SLC5A7: variants seen among roughly 807,000 people sequenced by gnomAD.
SLC5A7 encodes the protein high affinity choline transporter 1.
A neutral mutation model predicts 55.4 loss-of-function variants in SLC5A7; 19 were observed. The observed-to-expected ratio is 0.34, with a 90% CI of 0.24 to 0.50. The LOEUF (loss-of-function observed/expected upper bound fraction) is 0.50. Ranked by LOEUF, SLC5A7 falls within the 20% of genes least tolerant of loss-of-function variation. The probability of loss-of-function intolerance (pLI) is 0.98; values close to 1 mark genes in which losing one functional copy is unlikely to be tolerated. For missense variants in SLC5A7, 506 were observed against 705.3 expected, an observed-to-expected ratio of 0.72 and a Z score of 3.20; for synonymous variants, 265 against 263.7, an observed-to-expected ratio of 1.00 and a Z score of -0.05.
intron 2 of SLC5A7, among the ~76,000 whole-genome samples, chr2:107,989,731 T>C (rs1270555253): frequency 6.6e-6 from 1 of 152,214 alleles, no homozygotes; most frequent in Non-Finnish European, 1.5e-5. Flanking sequence ...GGTGCACAGT[T>C]TGTAAACACT....
At position 108,012,281 on chromosome 2, in the gene SLC5A7, G is replaced by A. The variant is rs149753976; in HGVS notation, c.*1420G>A. The A allele has an allele frequency of 3.9e-5, 6 of 152,252 alleles. No homozygotes were observed. Among genetic ancestry groups the A allele is most frequent in the African/African-American group, 1.4e-4 (6 of 41,560 alleles). 9.4% of individuals were successfully genotyped at this position (152,252 alleles called of 1,614,324 possible). On this transcript the variant is annotated 3_prime_UTR_variant, in exon 9 of 9. Transcript: ENST00000264047. ...GGAGCCATGTCTACAAAAGCAAAGT[G>A]AAGTGATGAGCTGAAAAGTGATCAG...
intron 5 of SLC5A7, 31 bp from the exon 6 acceptor site, chr2:108,001,866 C>T (rs773500461): frequency 3.7e-6 from 6 of 1,612,342 alleles, no homozygotes; most frequent in Non-Finnish European, 5.1e-6. Flanking sequence ...AAAACCATCG[C>T]CTAGGGCTCC....
intron 5 of SLC5A7, among the ~76,000 whole-genome samples, chr2:107,999,753 T>C (rs1305502512): frequency 6.6e-6 from 1 of 152,162 alleles, no homozygotes; most frequent in Non-Finnish European, 1.5e-5. Flanking sequence ...TTGAGGTTTT[T>C]CTTTTCATTT....
intron 5 of SLC5A7, among the ~76,000 whole-genome samples, chr2:108,000,819 T>C (rs2104360813): frequency 6.6e-6 from 1 of 151,808 alleles, no homozygotes; most frequent in East Asian, 1.9e-4. Context: ...GGTCTAGAAC[T>C]CCCGAGCACA....
intron 6 of SLC5A7, among the ~76,000 whole-genome samples, chr2:108,005,232 T>C (rs1171839406): frequency 6.6e-6 from 1 of 152,206 alleles, no homozygotes; most frequent in Admixed American, 6.5e-5. Context: ...TTGACTCTCA[T>C]AGTAGAAAGT....
In SLC5A7 at chr2:108,006,187, A is replaced by G. The variant is rs1678115063; in HGVS notation, c.880A>G (p.Ile294Val). The part of the protein sequence containing the change: ...MAIPAILIGA[I>V]GASTDWNQTA... ...CATCCCAGCCATACTCATTGGGGCC[A>G]TTGGAGCATCAACAGGTAAATCTCT... The change falls in exon 7 of 9, where the codon ATT becomes GTT. Residue 294 changes from isoleucine (I) to valine (V), a missense_variant. This residue lies in a region of SLC5A7 where 309 missense variants were observed against 478.6 expected (regional missense o/e 0.65). Transcript: ENST00000264047. 1.9e-6 allele frequency: 3 copies of G among 1,613,952 alleles called. No individual in the cohort carries two copies. The highest frequency in any genetic ancestry group is 2.5e-6 in the Non-Finnish European group (3 of 1,179,956).
rs1276877648 is a variant in SLC5A7, at chr2:108,011,612, A to C, written c.*751A>C. ...ATTATTAAGCAACCTTAAAGCAATA[A>C]GTTCATTAAACAGAAGGTAATAGGA... On this transcript the variant is annotated 3_prime_UTR_variant, in exon 9 of 9. Coordinates refer to ENST00000264047, the MANE Select transcript of SLC5A7 (RefSeq NM_021815.5). The C allele has an allele frequency of 6.6e-6, 1 of 152,182 alleles. No individual in the cohort carries two copies. Among genetic ancestry groups the C allele is most frequent in the African/African-American group, 2.4e-5 (1 of 41,454 alleles). The allele number at this position is 152,182 out of a possible 1,614,324, so 9.4% of individuals were successfully genotyped here. A position where few individuals can be genotyped will look rare whatever the true frequency, so the allele number is the denominator to read the frequency against.
rs571977757 is a variant in SLC5A7 at position 107,999,297 on chromosome 2, C to T, written c.597+1311C>T. 7.2e-4 allele frequency among the ~76,000 whole-genome samples: 109 copies of T among 152,274 alleles called. No homozygotes were observed. In the South Asian group the frequency reaches 9.3e-3, roughly 13 times the overall value. ...AAATAGGGAACATAGAAATAAATCC[C>T]TCTTCAGAATGTCAGGAGCCAGGTT... is the stretch of plus-strand genomic sequence containing the variant. On this transcript the variant is annotated intron_variant, in intron 5 of 8. Transcript: ENST00000264047.
At chr2:108,009,398 T>C (rs1678231027) in intron 8 of SLC5A7, among the ~76,000 whole-genome samples, 1 of 152,166 alleles carries the variant, frequency 6.6e-6, no homozygotes, top group Admixed American at 6.5e-5. Flanking sequence ...GTTACATAAG[T>C]GTATGTGTGC....
intron 6 of SLC5A7, among the ~76,000 whole-genome samples, chr2:108,002,428 G>A (rs1266420398): frequency 1.3e-5 from 2 of 152,188 alleles, no homozygotes; most frequent in Non-Finnish European, 2.9e-5. Flanking sequence ...ATTCACTCTT[G>A]AATTACAGAG....
intron 5 of SLC5A7, 87 bp downstream of exon 5, chr2:107,998,073 A>G: frequency 7.5e-7 from 1 of 1,336,200 alleles, no homozygotes; most frequent in Non-Finnish European, 1.0e-6. Context: ...GAGTAGAAAT[A>G]TTATTTTCCC....
At chr2:107,997,653 A>G (rs1382547503) in intron 4 of SLC5A7, among the ~76,000 whole-genome samples, 185 bp from the exon 5 acceptor site, 1 of 152,246 alleles carries the variant, frequency 6.6e-6, no homozygotes, top group Non-Finnish European at 1.5e-5. Flanking sequence ...AAAAGTATGT[A>G]TCTCACTGAA....
chr2:108,008,558 T>C lies in SLC5A7; in HGVS notation c.989T>C (p.Val330Ala). Residue 330 changes from valine (V) to alanine (A), a missense_variant, in exon 8 of 9, where the codon GTG (valine) becomes GCG (alanine). This residue lies in a region of SLC5A7 where 309 missense variants were observed against 478.6 expected (regional missense o/e 0.65). Coordinates refer to ENST00000264047, the MANE Select transcript of SLC5A7 (RefSeq NM_021815.5). Reference sequence around the variant, plus strand: ...ATTGTTCTGCAGTATCTCTGCCCTGTGTATATTTCTTTCTTTGGTCTTGGT... The same window carrying C: ...ATTGTTCTGCAGTATCTCTGCCCTGCGTATATTTCTTTCTTTGGTCTTGGT... ...LPIVLQYLCP[V>A]YISFFGLGAV... 2 of 1,613,600 alleles carry C rather than the reference T, an allele frequency of 1.2e-6. No homozygotes were observed. The highest frequency in any genetic ancestry group is 8.5e-7 in the Non-Finnish European group (1 of 1,179,820).
At chr2:108,005,927 C>T in intron 6 of SLC5A7, 122 bp from the exon 7 acceptor site, 4 of 1,164,924 alleles carry the variant, frequency 3.4e-6, no homozygotes, top group Non-Finnish European at 4.8e-6. Flanking sequence ...TTTGTGGCTA[C>T]ATGCCACATT....
intron 5 of SLC5A7, among the ~76,000 whole-genome samples, chr2:108,001,634 C>T (rs1677905895): frequency 7.1e-6 from 1 of 141,212 alleles, no homozygotes; most frequent in African/African-American, 2.6e-5. Flanking sequence ...GATCCCGCCA[C>T]TGCACTCCAG....
chr2:107,999,997 TAAA>T (rs1459669458), intron 5 of SLC5A7, among the ~76,000 whole-genome samples: 1 of 152,206 alleles, frequency 6.6e-6, no homozygotes, highest in African/African-American at 2.4e-5. Flanking sequence ...TTTTAAGACT[TAAA>T]AGAATTTTTT....
chr2:108,001,018 C>G (rs140839667), intron 5 of SLC5A7, among the ~76,000 whole-genome samples: 4,210 of 148,436 alleles, frequency 0.028, 90 homozygotes, highest in African/African-American at 0.058. Context: ...ACCTCTGCCT[C>G]CAAGGTTCAA....
At position 107,999,395 on chromosome 2, in the gene SLC5A7, G is replaced by A. The variant is rs574469190; in HGVS notation, c.597+1409G>A. 1.2e-4 allele frequency among the ~76,000 whole-genome samples: 18 copies of A among 152,304 alleles called. 2 individuals are homozygous for A. The highest frequency in any genetic ancestry group is 5.9e-4 in the Admixed American group (9 of 15,298). On this transcript the variant is annotated intron_variant, in intron 5 of 8. Coordinates refer to ENST00000264047, the MANE Select transcript of SLC5A7 (RefSeq NM_021815.5). Reference sequence around the variant, plus strand: ...AAACACAACCCCAGGGAATGAACCTGTTATTGATGATATATGTGATTTCTC... The same window carrying A: ...AAACACAACCCCAGGGAATGAACCTATTATTGATGATATATGTGATTTCTC...
rs1678428090 is a variant in SLC5A7 at position 108,013,731 on chromosome 2, A to T, written c.*2870A>T. On this transcript the variant is annotated 3_prime_UTR_variant, in exon 9 of 9. Transcript: ENST00000264047. ...CATATATTTTATTTTCATACTTTTG[A>T]TATGATTGTAACATATTTCTTGAGT... is the stretch of plus-strand genomic sequence containing the variant. 2 of 152,166 alleles carry T rather than the reference A, an allele frequency of 1.3e-5. No individual in the cohort carries two copies. Among genetic ancestry groups the T allele is most frequent in the Non-Finnish European group, 2.9e-5 (2 of 68,006 alleles). 9.4% of individuals were successfully genotyped at this position (152,166 alleles called of 1,614,324 possible). A position where few individuals can be genotyped will look rare whatever the true frequency, so the allele number is the denominator to read the frequency against.
Sources: allele counts gnomAD v4.1 joint callset (sites outside exome capture counted in the v4.1 genomes callset), GRCh38; gene constraint gnomAD v4.1.1; regional missense constraint gnomAD v4.1.1; transcripts MANE v1.5; gene names NCBI Gene and HGNC (gene_info 2026-07-23, HGNC 2026-07-21).